Variants in ZNF717 observed in about 807,000 individuals in gnomAD.
ZNF717 encodes zinc finger protein 717.
In ZNF717, 9 loss-of-function variants were observed where a neutral mutation model predicts 13.8. The observed-to-expected ratio is 0.65, with a 90% CI of 0.39 to 1.14. The LOEUF (loss-of-function observed/expected upper bound fraction) is 1.14. Among genes scored for constraint, ZNF717 ranks in the 50% most tolerant of loss-of-function variants. The pLI is 0.01. For missense variants in ZNF717, 1,040 were observed against 1,080.7 expected, an observed-to-expected ratio of 0.96 and a Z score of 0.53; for synonymous variants, 327 against 364.1, an observed-to-expected ratio of 0.90 and a Z score of 1.16.
intron 2 of ZNF717, among the ~76,000 whole-genome samples, chr3:75,755,263 G>A (rs199882428): frequency 6.6e-6 from 1 of 152,222 alleles, no homozygotes; most frequent in East Asian, 1.9e-4. Context: ...TTTAAAAAGA[G>A]CATTAAAGAA....
intron 2 of ZNF717, among the ~76,000 whole-genome samples, chr3:75,760,923 T>C (rs991381669): frequency 8.5e-4 from 126 of 148,912 alleles, no homozygotes; most frequent in African/African-American, 2.8e-3. Flanking sequence ...AAAAGAGAAA[T>C]CTCAAATACT....
chr3:75,764,129 G>A (rs1184950817), intron 2 of ZNF717, among the ~76,000 whole-genome samples: 1 of 152,196 alleles, frequency 6.6e-6, no homozygotes, highest in Non-Finnish European at 1.5e-5. Flanking sequence ...TCCTCTCTGT[G>A]CAGATGTGGT....
chr3:75,743,340 G>T (rs1940714890), intron 2 of ZNF717, among the ~76,000 whole-genome samples: 1 of 152,152 alleles, frequency 6.6e-6, no homozygotes, highest in Non-Finnish European at 1.5e-5. Context: ...CTATTTTTGT[G>T]GGAATATTTT....
At chr3:75,756,167 G>A (rs1942455208) in intron 2 of ZNF717, among the ~76,000 whole-genome samples, 2 of 152,250 alleles carry the variant, frequency 1.3e-5, no homozygotes, top group South Asian at 4.1e-4. Context: ...ATGGTGATCT[G>A]TAATCAGTGA....
intron 2 of ZNF717, among the ~76,000 whole-genome samples, chr3:75,768,993 G>A (rs1043471172): frequency 6.6e-6 from 1 of 152,218 alleles, no homozygotes; most frequent in African/African-American, 2.4e-5. Flanking sequence ...CTTGAGAGGG[G>A]CAAAGCATAA....
chr3:75,778,663 G>A (rs567834168), intron 2 of ZNF717, among the ~76,000 whole-genome samples: 14 of 148,336 alleles, frequency 9.4e-5, no homozygotes, highest in South Asian at 2.2e-4. Flanking sequence ...TGGGAGTGAC[G>A]TGCTAAACCA....
downstream of ZNF717, among the ~76,000 whole-genome samples, chr3:75,726,682 G>C (rs1938286547): frequency 6.6e-6 from 1 of 152,270 alleles, no homozygotes; most frequent in Admixed American, 6.5e-5. Context: ...TGATGAGAGA[G>C]ATAGATGCAG....
downstream of ZNF717, chr3:75,732,212 C>T (rs1938622880): frequency 2.9e-6 from 2 of 694,386 alleles, no homozygotes; most frequent in Non-Finnish European, 5.2e-6. Context: ...TACTGAACCT[C>T]AGCCTAACCT....
downstream of ZNF717, among the ~76,000 whole-genome samples, chr3:75,734,301 C>T (rs62250095): frequency 1.6e-4 from 24 of 152,164 alleles, no homozygotes; most frequent in African/African-American, 5.5e-4. Context: ...GAATTCCTAA[C>T]CTCATGATCC....
rs796528854 is a variant in ZNF717 at position 75,736,013 on chromosome 3, G to A, written c.*865C>T. 9.9e-5 allele frequency: 15 copies of A among 151,938 alleles called. No homozygotes were observed. The highest frequency in any genetic ancestry group is 3.6e-4 in the African/African-American group (15 of 41,322). The allele number at this position is 151,938 out of a possible 1,614,324, so 9.4% of individuals were successfully genotyped here. A position where few individuals can be genotyped will look rare whatever the true frequency, so the allele number is the denominator to read the frequency against. ...CTTCACATCTCTGTCACATCTTTTG[G>A]CAATCCCAATCTTTCAAAGATTTTA... On this transcript the variant is annotated 3_prime_UTR_variant, in exon 5 of 5. Coordinates refer to ENST00000652011, the MANE Select transcript of ZNF717 (RefSeq NM_001290208.3).
At chr3:75,701,392 C>A (rs1372517419) in intron 6 of ZNF717, among the ~76,000 whole-genome samples, 2 of 152,264 alleles carry the variant, frequency 1.3e-5, no homozygotes, top group African/African-American at 2.4e-5. Flanking sequence ...TCAGTCTTGC[C>A]AGGTGTGGTG....
chr3:75,711,257 T>C (rs78058499), exon 6 of ZNF717: 32 of 152,356 alleles, frequency 2.1e-4, no homozygotes, highest in Non-Finnish European at 4.1e-4. Flanking sequence ...GTTCAAAAAA[T>C]TATACTTTAC....
chr3:75,783,483 G>T, intron 1 of ZNF717, 119 bp from the exon 2 acceptor site: 14 of 708,934 alleles, frequency 2.0e-5, no homozygotes, highest in East Asian at 2.9e-5. Flanking sequence ...TCCTGAAAAA[G>T]AAAAACTTCC....
intron 2 of ZNF717, among the ~76,000 whole-genome samples, chr3:75,774,797 T>TAA (rs1441167198): frequency 2.0e-5 from 3 of 151,736 alleles, no homozygotes; most frequent in Non-Finnish European, 4.4e-5. Flanking sequence ...ATTTTTGTAT[T>TAA]TTTAGTAGAG....
downstream of ZNF717, chr3:75,731,917 G>T: frequency 1.6e-6 from 1 of 612,532 alleles, no homozygotes; most frequent in South Asian, 2.0e-5. Flanking sequence ...ACTCACTACT[G>T]AAACCACCTT....
chr3:75,740,978 C>T (rs1575781120), intron 4 of ZNF717, among the ~76,000 whole-genome samples: 1 of 151,806 alleles, frequency 6.6e-6, no homozygotes, highest in East Asian at 1.9e-4. Flanking sequence ...TTTTAAGATA[C>T]TACATCAGAA....
intron 5 of ZNF717, among the ~76,000 whole-genome samples, chr3:75,714,035 C>T (rs1266075929): frequency 1.3e-5 from 2 of 152,130 alleles, no homozygotes; most frequent in African/African-American, 2.4e-5. Flanking sequence ...AGTACTTTCA[C>T]TAATTTTGCT....
intron 4 of ZNF717, among the ~76,000 whole-genome samples, chr3:75,724,291 A>C (rs1938232225): frequency 6.6e-6 from 1 of 151,642 alleles, no homozygotes. Context: ...CTTTTCCTCT[A>C]TCTCTTTGTC....
At chr3:75,706,639 C>A (rs79441365), downstream of ZNF717, among the ~76,000 whole-genome samples, 1 of 152,312 alleles carries the variant, frequency 6.6e-6, no homozygotes, top group African/African-American at 2.4e-5. Context: ...AGGAAATGCA[C>A]TGTGCTTCCA....
Sources: allele counts gnomAD v4.1 joint callset (sites outside exome capture counted in the v4.1 genomes callset), GRCh38; gene constraint gnomAD v4.1.1; transcripts MANE v1.5; gene names NCBI Gene and HGNC (gene_info 2026-07-23, HGNC 2026-07-21).